OVOL2: variants seen among roughly 807,000 people sequenced by gnomAD.
OVOL2 encodes the protein transcription factor Ovo-like 2.
In OVOL2, 13 loss-of-function variants were observed where a neutral mutation model predicts 18.1. That is an observed-to-expected ratio of 0.72 (90% confidence interval 0.47 to 1.14). The LOEUF is 1.14. Among genes scored for constraint, OVOL2 ranks in the 50% most tolerant of loss-of-function variants. OVOL2 has a pLI of 0.00. For missense variants in OVOL2, 335 were observed against 383.0 expected (o/e 0.87, Z 1.05); for synonymous variants, 166 against 162.7 (o/e 1.02, Z -0.16).
chr20:18,028,755 C>T (rs573353341), intron 3 of OVOL2, among the ~76,000 whole-genome samples: 28 of 151,888 alleles, frequency 1.8e-4, no homozygotes, highest in African/African-American at 5.8e-4. Flanking sequence ...ATAGTGCCAC[C>T]GCACTCCAGC....
chr20:18,054,199 A>C (rs1176783690), intron 2 of OVOL2, among the ~76,000 whole-genome samples: 1 of 152,216 alleles, frequency 6.6e-6, no homozygotes, highest in Non-Finnish European at 1.5e-5. Context: ...ATCATCTTAC[A>C]GATAAGGAAA....
chr20:18,038,099 C>T (rs901892846), intron 3 of OVOL2, among the ~76,000 whole-genome samples: 8 of 152,322 alleles, frequency 5.3e-5, no homozygotes, highest in Non-Finnish European at 7.3e-5. Context: ...TCCCCTTTGG[C>T]ATGTGCCACT....
At chr20:18,047,426 T>C (rs967046077) in intron 2 of OVOL2, among the ~76,000 whole-genome samples, 5 of 149,252 alleles carry the variant, frequency 3.4e-5, no homozygotes, top group Non-Finnish European at 7.4e-5. Flanking sequence ...AAGAGAATCG[T>C]TTGAACCCGG....
intron 3 of OVOL2, among the ~76,000 whole-genome samples, chr20:18,039,927 C>CTT (rs200079859): frequency 1.3e-5 from 2 of 151,152 alleles, no homozygotes; most frequent in Non-Finnish European, 3.0e-5. Flanking sequence ...ATAGCAAACC[C>CTT]TTTTTTTTTC....
At chr20:18,058,672 C>T (rs2036852774), upstream of OVOL2, among the ~76,000 whole-genome samples, 1 of 152,124 alleles carries the variant, frequency 6.6e-6, no homozygotes, top group Non-Finnish European at 1.5e-5. Context: ...TCCTAACCAC[C>T]CGATCCCCAA....
intron 2 of OVOL2, among the ~76,000 whole-genome samples, chr20:18,051,363 G>T (rs1313428370): frequency 2.0e-5 from 3 of 152,104 alleles, no homozygotes; most frequent in Admixed American, 2.0e-4. Context: ...TGTGCCACTG[G>T]AAAACCAAGC....
intron 2 of OVOL2, among the ~76,000 whole-genome samples, chr20:18,049,161 A>G (rs1357004401): frequency 1.3e-5 from 2 of 152,140 alleles, no homozygotes; most frequent in African/African-American, 4.8e-5. Context: ...ATTTCAAAAA[A>G]TGTGCAAAAT....
Position 18,024,806 on chromosome 20 carries a change from C to T in OVOL2, c.658G>A (p.Gly220Ser), listed in dbSNP as rs367705465. ...RDKLYVCEDC[G>S]YTGPTQEDLY... ...TCCTCCTGGGTGGGGCCCGTGTAGC[C>T]GCAATCCTCGCAGACGTAGAGCTTG... is the stretch of plus-strand genomic sequence containing the variant. The change falls in exon 4 of 4, where the codon GGC (glycine) becomes AGC (serine). Residue 220 changes from glycine to serine, a missense_variant. Gly to Ser is a moderately conservative substitution (Grantham distance 56). Coordinates refer to ENST00000278780, the MANE Select transcript of OVOL2 (RefSeq NM_021220.4). 3.3e-5 allele frequency: 54 copies of T among 1,614,048 alleles called. No individual in the cohort carries two copies. Among genetic ancestry groups the T allele is most frequent in the Non-Finnish European group, 4.2e-5 (49 of 1,180,056 alleles).
intron 3 of OVOL2, among the ~76,000 whole-genome samples, chr20:18,034,254 G>A (rs527531058): frequency 2.5e-3 from 383 of 152,168 alleles, no homozygotes; most frequent in Non-Finnish European, 4.1e-3. Flanking sequence ...CCCTGACCTC[G>A]CCCAGGGCAG....
intron 3 of OVOL2, among the ~76,000 whole-genome samples, chr20:18,036,530 C>A (rs1417138666): frequency 6.6e-6 from 1 of 152,038 alleles, no homozygotes; most frequent in Non-Finnish European, 1.5e-5. Context: ...AACTGCGAAA[C>A]CCTTTGGGAA....
At position 18,041,224 on chromosome 20, in the gene OVOL2, C is replaced by T. The variant is rs535430311; in HGVS notation, c.511+310G>A. ...TGTCACCCAGGCTGGAGTGCAGTGGCATGATCTTGGCTCACTGCAACCTCC... is the reference window on the plus strand; with the variant it reads ...TGTCACCCAGGCTGGAGTGCAGTGGTATGATCTTGGCTCACTGCAACCTCC... On this transcript the variant is annotated intron_variant, in intron 3 of 3. Coordinates refer to ENST00000278780, the MANE Select transcript of OVOL2 (RefSeq NM_021220.4). Among the ~76,000 whole-genome samples the T allele has an allele frequency of 5.3e-5, 8 of 152,014 alleles. 1 individual carries two copies. In the South Asian group the frequency reaches 1.2e-3, roughly 24 times the overall value.
At chr20:18,027,304 G>A (rs1384664212) in intron 3 of OVOL2, among the ~76,000 whole-genome samples, 1 of 151,998 alleles carries the variant, frequency 6.6e-6, no homozygotes, top group Non-Finnish European at 1.5e-5. Flanking sequence ...GACGTGGGCG[G>A]ATCACCTGAG....
intron 2 of OVOL2, among the ~76,000 whole-genome samples, chr20:18,044,946 T>C (rs2036711893): frequency 6.6e-6 from 1 of 152,076 alleles, no homozygotes; most frequent in African/African-American, 2.4e-5. Flanking sequence ...AAGATCCCCT[T>C]AGGAGTCTAC....
intron 2 of OVOL2, among the ~76,000 whole-genome samples, chr20:18,046,826 A>G (rs1438125673): frequency 2.0e-5 from 3 of 152,198 alleles, no homozygotes; most frequent in Admixed American, 6.5e-5. Flanking sequence ...AAAAGTTAAA[A>G]AAGAGTTAAT....
At chr20:18,039,101 A>G (rs954780060) in intron 3 of OVOL2, among the ~76,000 whole-genome samples, 4 of 152,222 alleles carry the variant, frequency 2.6e-5, no homozygotes. Context: ...AACAGGCAAC[A>G]GTAACTTAAG....
intron 3 of OVOL2, among the ~76,000 whole-genome samples, chr20:18,036,538 G>GA (rs1364350272): frequency 7.2e-5 from 11 of 152,078 alleles, no homozygotes; most frequent in Non-Finnish European, 1.3e-4. Context: ...AACCCTTTGG[G>GA]AAAACGTCAG....
At chr20:18,046,899 T>C (rs887382559) in intron 2 of OVOL2, among the ~76,000 whole-genome samples, 10 of 151,778 alleles carry the variant, frequency 6.6e-5, no homozygotes, top group Non-Finnish European at 1.5e-4. Flanking sequence ...GTCATGTTAG[T>C]TACAAAACAA....
intron 3 of OVOL2, among the ~76,000 whole-genome samples, chr20:18,036,860 G>A (rs889275350): frequency 6.6e-6 from 1 of 152,166 alleles, no homozygotes. Context: ...CAACAGGCCG[G>A]GCGCGGTGGC....
intron 2 of OVOL2, among the ~76,000 whole-genome samples, chr20:18,055,662 CAAT>C (rs1485250741): frequency 6.6e-6 from 1 of 152,188 alleles, no homozygotes; most frequent in African/African-American, 2.4e-5. Flanking sequence ...GGTCCTTTCT[CAAT>C]CCACAGCAAA....
Sources: allele counts gnomAD v4.1 joint callset (sites outside exome capture counted in the v4.1 genomes callset), GRCh38; gene constraint gnomAD v4.1.1; transcripts MANE v1.5; gene names NCBI Gene and HGNC (gene_info 2026-07-23, HGNC 2026-07-21).